The following ACSM2B variants were observed in gnomAD, a reference collection of about 807,000 sequenced individuals.
ACSM2B encodes acyl-coenzyme A synthetase ACSM2B, mitochondrial.
ACSM2B carries 58 observed loss-of-function variants against 78.6 expected under a neutral mutation model. That is an observed-to-expected ratio of 0.74 (90% CI 0.60 to 0.92). ACSM2B has a LOEUF of 0.92. Among genes scored for constraint, ACSM2B ranks in the 40% least tolerant of loss-of-function variants. ACSM2B has a pLI of 0.00. For synonymous variants in ACSM2B, 257 were observed against 256.8 expected (o/e 1.00, Z -0.01); for missense variants, 688 against 711.2 (o/e 0.97, Z 0.37).
intron 3 of ACSM2B, among the ~76,000 whole-genome samples, chr16:20,557,704 C>T (rs2015518061): frequency 6.6e-6 from 1 of 152,240 alleles, no homozygotes; most frequent in African/African-American, 2.4e-5. Flanking sequence ...CTGGCCACCT[C>T]TACATGTTCA....
At chr16:20,571,403 T>C (rs1410736471) in intron 1 of ACSM2B, among the ~76,000 whole-genome samples, 1 of 152,072 alleles carries the variant, frequency 6.6e-6, no homozygotes, top group African/African-American at 2.4e-5. Context: ...GGAGTTGATT[T>C]CCAATTTTAT....
chr16:20,553,425 C>T (rs2015376958), intron 5 of ACSM2B, among the ~76,000 whole-genome samples: 1 of 152,194 alleles, frequency 6.6e-6, no homozygotes, highest in Admixed American at 6.5e-5. Context: ...CCGACAAAAA[C>T]TGCCCTCTTG....
intron 2 of ACSM2B, among the ~76,000 whole-genome samples, chr16:20,562,191 T>C (rs1020647757): frequency 6.6e-6 from 1 of 151,982 alleles, no homozygotes; most frequent in African/African-American, 2.4e-5. Flanking sequence ...TTTGAGAAAA[T>C]GTTATATTGC....
At chr16:20,540,602 G>T in intron 13 of ACSM2B, 52 bp downstream of exon 13, 1 of 1,600,622 alleles carries the variant, frequency 6.2e-7, no homozygotes, top group Non-Finnish European at 8.5e-7. Context: ...AATATAACAG[G>T]AAAACAATCT....
chr16:20,563,032 C>T (rs1441741338), intron 2 of ACSM2B, among the ~76,000 whole-genome samples: 1 of 152,132 alleles, frequency 6.6e-6, no homozygotes, highest in Non-Finnish European at 1.5e-5. Context: ...CATTCCTTAG[C>T]CCCCTGCCCT....
At chr16:20,561,277 G>GA (rs1266417359) in intron 2 of ACSM2B, among the ~76,000 whole-genome samples, 1 of 151,766 alleles carries the variant, frequency 6.6e-6, no homozygotes, top group East Asian at 1.9e-4. Flanking sequence ...AATTTATAAA[G>GA]AAAAAAGTTT....
At chr16:20,538,638 A>G (rs1198717740) in intron 13 of ACSM2B, among the ~76,000 whole-genome samples, 3 of 152,180 alleles carry the variant, frequency 2.0e-5, no homozygotes, top group African/African-American at 7.2e-5. Context: ...GACTTGCAGA[A>G]AGAGACACAT....
intron 3 of ACSM2B, among the ~76,000 whole-genome samples, chr16:20,556,677 C>T (rs1457268736): frequency 7.2e-5 from 11 of 152,154 alleles, no homozygotes; most frequent in East Asian, 3.8e-4. Context: ...ACCACATGCC[C>T]GTCCTGTTAA....
chr16:20,570,071 A>T (rs2016052290), intron 1 of ACSM2B, among the ~76,000 whole-genome samples: 1 of 151,706 alleles, frequency 6.6e-6, no homozygotes, highest in African/African-American at 2.4e-5. Flanking sequence ...TGTCTGATTG[A>T]TCTGGCTAGG....
At chr16:20,570,734 C>A in intron 1 of ACSM2B, among the ~76,000 whole-genome samples, 1 of 151,480 alleles carries the variant, frequency 6.6e-6, no homozygotes, top group Non-Finnish European at 1.5e-5. Flanking sequence ...TTTTGTATTA[C>A]CATTTTAATC....
intron 4 of ACSM2B, chr16:20,554,293 A>T (rs545378810): frequency 1.2e-3 from 475 of 398,356 alleles, no homozygotes; most frequent in Non-Finnish European, 2.1e-3. Context: ...ATTGTTGTGA[A>T]GAGCCCTGGC....
chr16:20,563,342 C>T (rs539296111), intron 2 of ACSM2B, among the ~76,000 whole-genome samples: 2 of 152,116 alleles, frequency 1.3e-5, no homozygotes, highest in South Asian at 2.1e-4. Context: ...ATGAATTGCA[C>T]CTTTTTATTC....
intron 10 of ACSM2B, chr16:20,544,667 ACCTGTCAAGT>A: frequency 1.0e-6 from 1 of 984,264 alleles, no homozygotes; most frequent in African/African-American, 1.7e-5. Context: ...CACCATCCTC[ACCTGTCAAGT>A]GAGGTGGCCA....
At chr16:20,540,224 GTTTT>G (rs67241828) in intron 13 of ACSM2B, among the ~76,000 whole-genome samples, 1 of 77,396 alleles carries the variant, frequency 1.3e-5, no homozygotes, top group African/African-American at 3.1e-5. Flanking sequence ...TTTTTTTTTT[GTTTT>G]TTTTTTTTGT....
intron 1 of ACSM2B, among the ~76,000 whole-genome samples, chr16:20,569,922 T>A (rs2016048594): frequency 6.6e-6 from 1 of 151,936 alleles, no homozygotes; most frequent in South Asian, 2.1e-4. Flanking sequence ...GTCCTGAAAC[T>A]TTGCTGAATT....
chr16:20,575,904 C>T (rs1369382409), intron 1 of ACSM2B: 1 of 151,716 alleles, frequency 6.6e-6, no homozygotes, highest in Non-Finnish European at 1.5e-5. Flanking sequence ...ATAAGCTCTT[C>T]TTCATTCTTC....
At position 20,576,264 on chromosome 16, in the gene ACSM2B, G is replaced by C. The variant is rs993013316; in HGVS notation, c.-66C>G. On this transcript the variant is annotated 5_prime_UTR_variant, in exon 1 of 14. Coordinates refer to ENST00000329697, the MANE Select transcript of ACSM2B (RefSeq NM_001105069.2). ...AGAGCTTCGTCCACCCTCCTCTCCA[G>C]CCAGCAGCTCCAGAACTCCTACAGC... 6.6e-6 allele frequency: 1 copy of C among 151,772 alleles called. No homozygotes were observed. Among genetic ancestry groups the C allele is most frequent in the Admixed American group, 6.6e-5 (1 of 15,230 alleles). 9.4% of individuals were successfully genotyped at this position (151,772 alleles called of 1,614,324 possible). A position where few individuals can be genotyped will look rare whatever the true frequency, so the allele number is the denominator to read the frequency against.
intron 3 of ACSM2B, among the ~76,000 whole-genome samples, chr16:20,558,405 G>A (rs565070582): frequency 2.5e-4 from 38 of 149,138 alleles, no homozygotes; most frequent in Non-Finnish European, 4.3e-4. Context: ...TGGGGAGGTG[G>A]ATTTAAGAAA....
At chr16:20,558,776 T>C (rs2015551713) in intron 3 of ACSM2B, among the ~76,000 whole-genome samples, 2 of 152,238 alleles carry the variant, frequency 1.3e-5, no homozygotes, top group Admixed American at 1.3e-4. Flanking sequence ...ACTACTCAAG[T>C]TGCCACTGCA....
Sources: allele counts gnomAD v4.1 joint callset (sites outside exome capture counted in the v4.1 genomes callset), GRCh38; gene constraint gnomAD v4.1.1; transcripts MANE v1.5; gene names NCBI Gene and HGNC (gene_info 2026-07-23, HGNC 2026-07-21).